Variants in COG5 observed in about 807,000 individuals in gnomAD.
COG5 encodes the protein component of oligomeric golgi complex 5, also known as conserved oligomeric Golgi complex subunit 5.
In COG5, 86 loss-of-function variants were observed where a neutral mutation model predicts 110.4. The observed-to-expected ratio is 0.78, with a 90% CI of 0.65 to 0.93. The LOEUF is 0.93. Among genes scored for constraint, COG5 ranks in the 40% least tolerant of loss-of-function variants. COG5 has a pLI of 0.00. For synonymous variants in COG5, 360 were observed against 334.6 expected, an observed-to-expected ratio of 1.08 and a Z score of -0.83; for missense variants, 1,077 against 987.0, an observed-to-expected ratio of 1.09 and a Z score of -1.22.
chr7:107,549,231 C>T (rs1802698551), intron 3 of COG5: 1 of 152,140 alleles, frequency 6.6e-6, no homozygotes, highest in Non-Finnish European at 1.5e-5. Flanking sequence ...CTCCACAACC[C>T]AGTCTCAATG....
intron 17 of COG5, among the ~76,000 whole-genome samples, chr7:107,244,433 C>T (rs1195555714): frequency 2.0e-5 from 3 of 151,858 alleles, no homozygotes; most frequent in African/African-American, 7.3e-5. Context: ...AAAGCATGAA[C>T]AAATCAACAA....
At chr7:107,551,143 C>T (rs972540695) in intron 3 of COG5, among the ~76,000 whole-genome samples, 3 of 151,936 alleles carry the variant, frequency 2.0e-5, no homozygotes, top group East Asian at 3.9e-4. Flanking sequence ...CCGGGGTTCA[C>T]GCCATTCTCC....
intron 19 of COG5, among the ~76,000 whole-genome samples, chr7:107,222,770 GCAGATACACCAAA>G (rs1800034097): frequency 6.6e-6 from 1 of 152,140 alleles, no homozygotes; most frequent in African/African-American, 2.4e-5. Context: ...GTTATAAAAT[GCAGATACACCAAA>G]TGCCACAATA....
At chr7:107,413,620 A>AT in intron 6 of COG5, among the ~76,000 whole-genome samples, 1 of 152,054 alleles carries the variant, frequency 6.6e-6, no homozygotes, top group South Asian at 2.1e-4. Context: ...AGGGATTATG[A>AT]TACTAAATTT....
chr7:107,298,445 G>C, intron 11 of COG5, 99 bp from the exon 12 acceptor site: 1 of 914,996 alleles, frequency 1.1e-6, no homozygotes, highest in Non-Finnish European at 1.7e-6. Context: ...CATACTATAG[G>C]GCAAACCAAA....
intron 7 of COG5, among the ~76,000 whole-genome samples, chr7:107,407,633 T>C (rs774007556): frequency 4.7e-5 from 7 of 150,420 alleles, no homozygotes; most frequent in South Asian, 2.1e-4. Flanking sequence ...TTTTTTTTTT[T>C]CAAAGGTGCT....
At chr7:107,318,359 T>C (rs928290583) in intron 11 of COG5, among the ~76,000 whole-genome samples, 2 of 152,146 alleles carry the variant, frequency 1.3e-5, no homozygotes, top group African/African-American at 4.8e-5. Context: ...ATTCCTGTCA[T>C]ATTGAGAGAC....
At chr7:107,217,400 C>T (rs1177661823) in intron 19 of COG5, among the ~76,000 whole-genome samples, 1 of 152,090 alleles carries the variant, frequency 6.6e-6, no homozygotes, top group Non-Finnish European at 1.5e-5. Flanking sequence ...TTTTAGGAGG[C>T]CCTGATACTA....
At chr7:107,509,299 G>T (rs1433360566) in intron 6 of COG5, among the ~76,000 whole-genome samples, 1 of 152,180 alleles carries the variant, frequency 6.6e-6, no homozygotes, top group Non-Finnish European at 1.5e-5. Context: ...GGGTACCAGT[G>T]ATGGAAGACG....
chr7:107,488,856 A>C (rs746269584), intron 6 of COG5, among the ~76,000 whole-genome samples: 5 of 152,052 alleles, frequency 3.3e-5, no homozygotes, highest in Non-Finnish European at 7.4e-5. Context: ...CAAAATATTA[A>C]TAAAAAATTA....
intron 7 of COG5, among the ~76,000 whole-genome samples, chr7:107,399,856 T>C (rs996898607): frequency 1.3e-5 from 2 of 152,104 alleles, no homozygotes; most frequent in Admixed American, 6.5e-5. Flanking sequence ...ACATAAAAAG[T>C]ACGAGAACCT....
At chr7:107,220,215 A>G (rs903964670) in intron 19 of COG5, among the ~76,000 whole-genome samples, 6 of 152,218 alleles carry the variant, frequency 3.9e-5, no homozygotes, top group African/African-American at 1.4e-4. Flanking sequence ...CCTCTAGAGA[A>G]AGCACAATTT....
chr7:107,294,123 C>A (rs1806399976), intron 12 of COG5, among the ~76,000 whole-genome samples: 1 of 151,956 alleles, frequency 6.6e-6, no homozygotes, highest in Non-Finnish European at 1.5e-5. Context: ...TACATATTTC[C>A]AGCCCTGACT....
At chr7:107,424,579 C>A (rs1331870637) in intron 6 of COG5, among the ~76,000 whole-genome samples, 4 of 151,274 alleles carry the variant, frequency 2.6e-5, no homozygotes, top group African/African-American at 9.7e-5. Flanking sequence ...TTTATTCAAC[C>A]CCTGAAAAAA....
At chr7:107,462,133 A>G (rs1323690310) in intron 6 of COG5, among the ~76,000 whole-genome samples, 1 of 152,222 alleles carries the variant, frequency 6.6e-6, no homozygotes, top group Non-Finnish European at 1.5e-5. Flanking sequence ...GTTACTGGGA[A>G]ACTAACCAAT....
chr7:107,448,716 T>C (rs112851452), intron 6 of COG5, among the ~76,000 whole-genome samples: 1,601 of 152,302 alleles, frequency 0.011, 37 homozygotes, highest in African/African-American at 0.036. Flanking sequence ...CAGTTGATTC[T>C]TGAATAGGTT....
chr7:107,279,928 A>G (rs1208146552), intron 14 of COG5, among the ~76,000 whole-genome samples: 3 of 152,106 alleles, frequency 2.0e-5, no homozygotes, highest in African/African-American at 7.2e-5. Flanking sequence ...GCCTTTTGCC[A>G]TTACTATGTT....
intron 7 of COG5, among the ~76,000 whole-genome samples, chr7:107,406,478 T>C (rs767752954): frequency 6.6e-5 from 10 of 152,188 alleles, no homozygotes; most frequent in Non-Finnish European, 1.3e-4. Flanking sequence ...TAAAAGTTTG[T>C]CAGTCTCTTA....
Position 107,236,451 on chromosome 7 carries a change from T to C in COG5, c.2090A>G (p.Gln697Arg). ...TTTTGTAGTAATTCATCAATGTACC[T>C]GTGCAAAATCAGCAGCAAGTCGCAT... ...GKMRLAADFA[Q>R]MELAVGPFCR... Residue 697 changes from glutamine (Q) to arginine (R), a missense_variant and splice_region_variant, in exon 18 of 22, where the codon CAG (glutamine) becomes CGG (arginine). Coordinates refer to ENST00000297135, the MANE Select transcript of COG5 (RefSeq NM_006348.5). 5.0e-6 allele frequency: 8 copies of C among 1,607,212 alleles called. No individual in the cohort carries two copies. The highest frequency in any genetic ancestry group is 6.8e-6 in the Non-Finnish European group (8 of 1,173,666).
Sources: allele counts gnomAD v4.1 joint callset (sites outside exome capture counted in the v4.1 genomes callset), GRCh38; gene constraint gnomAD v4.1.1; transcripts MANE v1.5; gene names NCBI Gene and HGNC (gene_info 2026-07-23, HGNC 2026-07-21).